The following DLG2 variants were observed in gnomAD, a reference collection of about 807,000 sequenced individuals.
The protein encoded by DLG2 is discs large MAGUK scaffold protein 2.
Under a neutral mutation model 132.5 loss-of-function variants are expected in DLG2, and 45 were observed. The observed-to-expected ratio is 0.34, with a 90% CI of 0.27 to 0.44. The LOEUF is 0.44. DLG2 is among the 20% of genes least tolerant of loss of function. The probability of loss-of-function intolerance (pLI) is 1.00; values close to 1 mark genes in which losing one functional copy is unlikely to be tolerated. For missense variants in DLG2, 1,045 were observed against 1,196.9 expected, an observed-to-expected ratio of 0.87 and a Z score of 1.87; for synonymous variants, 424 against 419.6, an observed-to-expected ratio of 1.01 and a Z score of -0.13.
chr11:85,578,015 A>G (rs1171481723), intron 3 of DLG2, among the ~76,000 whole-genome samples: 1 of 152,160 alleles, frequency 6.6e-6, no homozygotes, highest in Non-Finnish European at 1.5e-5. Context: ...AGTAACCAAA[A>G]CAGCATGGTA....
chr11:85,062,258 A>G (rs1263191408), intron 6 of DLG2, among the ~76,000 whole-genome samples: 3 of 151,840 alleles, frequency 2.0e-5, no homozygotes, highest in East Asian at 1.9e-4. Context: ...GTAAAAAATT[A>G]TATCAATGCA....
chr11:84,152,231 G>C (rs779748823), intron 9 of DLG2, among the ~76,000 whole-genome samples: 18 of 151,944 alleles, frequency 1.2e-4, no homozygotes, highest in African/African-American at 1.7e-4. Flanking sequence ...TCCAATGTTT[G>C]GTATGTATAT....
At chr11:84,791,268 G>C (rs1178672870) in intron 6 of DLG2, among the ~76,000 whole-genome samples, 2 of 152,080 alleles carry the variant, frequency 1.3e-5, no homozygotes, top group Non-Finnish European at 2.9e-5. Flanking sequence ...GATAAGATTT[G>C]GCTGAGGACC....
At chr11:85,492,565 C>T (rs534618129) in intron 3 of DLG2, among the ~76,000 whole-genome samples, 1 of 152,124 alleles carries the variant, frequency 6.6e-6, no homozygotes, top group Admixed American at 6.5e-5. Flanking sequence ...TTTTGTTTTG[C>T]TTTTTATCAT....
intron 18 of DLG2, among the ~76,000 whole-genome samples, chr11:83,712,816 G>T (rs1198907411): frequency 6.6e-6 from 1 of 152,004 alleles, no homozygotes; most frequent in South Asian, 2.1e-4. Flanking sequence ...TGTCAGTGGG[G>T]ACAGGGGCAC....
At chr11:85,483,489 C>A (rs1211471785) in intron 3 of DLG2, among the ~76,000 whole-genome samples, 1 of 151,964 alleles carries the variant, frequency 6.6e-6, no homozygotes, top group Non-Finnish European at 1.5e-5. Context: ...GAGTATTCAA[C>A]CTAAAAGAAA....
chr11:84,266,240 C>G (rs2097631574), intron 7 of DLG2, among the ~76,000 whole-genome samples: 1 of 152,186 alleles, frequency 6.6e-6, no homozygotes, highest in African/African-American at 2.4e-5. Flanking sequence ...AAAATGCAAA[C>G]TTCACAAGTG....
chr11:85,417,017 T>C (rs952189427), intron 3 of DLG2, among the ~76,000 whole-genome samples: 3 of 152,188 alleles, frequency 2.0e-5, no homozygotes, highest in Non-Finnish European at 4.4e-5. Context: ...CCTTGTCGTA[T>C]GCCAGTTTTC....
At chr11:85,491,708 G>A (rs908003360) in intron 3 of DLG2, among the ~76,000 whole-genome samples, 1 of 151,990 alleles carries the variant, frequency 6.6e-6, no homozygotes, top group Non-Finnish European at 1.5e-5. Context: ...TGAAAGACCT[G>A]TATACTGAAA....
chr11:84,587,366 C>T (rs1222997490), intron 6 of DLG2, among the ~76,000 whole-genome samples: 1 of 152,130 alleles, frequency 6.6e-6, no homozygotes, highest in Non-Finnish European at 1.5e-5. Flanking sequence ...GCTCTCATTC[C>T]ATCATTATAT....
chr11:84,860,615 T>C (rs948636462), intron 6 of DLG2, among the ~76,000 whole-genome samples: 2 of 152,146 alleles, frequency 1.3e-5, no homozygotes, highest in African/African-American at 4.8e-5. Context: ...ATCTGATGAA[T>C]CACATAATAG....
At chr11:84,108,245 G>A (rs1285603302) in intron 9 of DLG2, among the ~76,000 whole-genome samples, 2 of 152,058 alleles carry the variant, frequency 1.3e-5, no homozygotes, top group East Asian at 3.9e-4. Flanking sequence ...ATATTTTGGA[G>A]ATAAAGCAGC....
intron 11 of DLG2, among the ~76,000 whole-genome samples, chr11:83,989,182 G>A (rs2093554911): frequency 6.6e-6 from 1 of 152,120 alleles, no homozygotes; most frequent in Non-Finnish European, 1.5e-5. Context: ...GTCAGTAACT[G>A]TATAAGGCAT....
intron 6 of DLG2, among the ~76,000 whole-genome samples, chr11:84,888,108 G>C (rs1023278930): frequency 5.3e-5 from 8 of 152,068 alleles, no homozygotes; most frequent in African/African-American, 1.7e-4. Flanking sequence ...TAAACAAACA[G>C]AAATTTCTCT....
At chr11:84,223,863 T>C (rs1242124673) in intron 8 of DLG2, among the ~76,000 whole-genome samples, 1 of 152,168 alleles carries the variant, frequency 6.6e-6, no homozygotes, top group African/African-American at 2.4e-5. Flanking sequence ...GCAAAAATTA[T>C]GCACCTTTTA....
chr11:85,480,551 T>C (rs2093263602), intron 3 of DLG2, among the ~76,000 whole-genome samples: 1 of 152,166 alleles, frequency 6.6e-6, no homozygotes. Context: ...AAATAAAACA[T>C]ATATTGTTTA....
intron 10 of DLG2, among the ~76,000 whole-genome samples, chr11:84,095,798 G>T (rs373887901): frequency 1.1e-3 from 160 of 152,254 alleles, no homozygotes; most frequent in Middle Eastern, 3.4e-3. Context: ...GCTGTAATGT[G>T]GATTGGGGAG....
intron 9 of DLG2, among the ~76,000 whole-genome samples, chr11:84,112,919 T>G (rs992254542): frequency 9.2e-5 from 14 of 152,216 alleles, no homozygotes; most frequent in Non-Finnish European, 1.3e-4. Flanking sequence ...CTATAACTTC[T>G]TCACCAGAAC....
intron 6 of DLG2, among the ~76,000 whole-genome samples, chr11:84,865,860 G>C (rs1447800846): frequency 6.6e-6 from 1 of 152,170 alleles, no homozygotes; most frequent in Non-Finnish European, 1.5e-5. Context: ...TGATTGCTCA[G>C]AATCTCCAGG....
Sources: allele counts gnomAD v4.1 joint callset (sites outside exome capture counted in the v4.1 genomes callset), GRCh38; gene constraint gnomAD v4.1.1; transcripts MANE v1.5; gene names NCBI Gene and HGNC (gene_info 2026-07-23, HGNC 2026-07-21).